UGT1A5: variants seen among roughly 807,000 people sequenced by gnomAD.
UGT1A5 encodes UDP-glucuronosyltransferase 1A5.
In UGT1A5, 29 loss-of-function variants were observed where a neutral mutation model predicts 40.3. The observed-to-expected ratio is 0.72, with a 90% confidence interval of 0.54 to 0.98. UGT1A5 has a LOEUF of 0.98. Ranked by LOEUF, UGT1A5 falls within the 50% of genes least tolerant of loss-of-function variation. UGT1A5 has a pLI of 0.00. For synonymous variants in UGT1A5, 257 were observed against 262.5 expected, an observed-to-expected ratio of 0.98 and a Z score of 0.20; for missense variants, 678 against 677.9, an observed-to-expected ratio of 1.00 and a Z score of 0.00.
At chr2:233,745,472 G>A (rs1454081365) in intron 1 of UGT1A5, among the ~76,000 whole-genome samples, 1 of 151,704 alleles carries the variant, frequency 6.6e-6, no homozygotes, top group Non-Finnish European at 1.5e-5. Context: ...AGGGGAAAAT[G>A]ATTAACCAAA....
intron 1 of UGT1A5, among the ~76,000 whole-genome samples, chr2:233,715,527 T>C (rs2076455988): frequency 6.6e-6 from 1 of 152,142 alleles, no homozygotes; most frequent in Admixed American, 6.5e-5. Flanking sequence ...ATTTCAGCCC[T>C]TTGGGAGACC....
chr2:233,731,351 A>G (rs2078148084), intron 1 of UGT1A5, among the ~76,000 whole-genome samples: 1 of 151,002 alleles, frequency 6.6e-6, no homozygotes, highest in African/African-American at 2.4e-5. Flanking sequence ...TTTGATACAT[A>G]GGTATACATG....
At chr2:233,733,970 C>T (rs1298818177) in intron 1 of UGT1A5, among the ~76,000 whole-genome samples, 52 of 151,482 alleles carry the variant, frequency 3.4e-4, no homozygotes, top group East Asian at 9.7e-4. Flanking sequence ...GTAGGGGGAG[C>T]GGGGAGGGAT....
intron 1 of UGT1A5, chr2:233,722,151 A>G (rs1415241636): frequency 2.5e-5 from 4 of 162,020 alleles, no homozygotes; most frequent in African/African-American, 9.6e-5. Flanking sequence ...CTGCAGGACA[A>G]GATGTGTCAC....
chr2:233,761,161 G>A lies in UGT1A5; in HGVS notation c.868-5873G>A, dbSNP rs1276914496. ...AAATCCACTATCCCAGGTGTGTATT[G>A]GAGTGGGACTTTTACATGCGTATAT... is the stretch of plus-strand genomic sequence containing the variant. On this transcript the variant is annotated intron_variant, in intron 1 of 4. Transcript: ENST00000373414. The A allele has an allele frequency of 6.2e-7, 1 of 1,614,176 alleles. No homozygotes were observed. The highest frequency in any genetic ancestry group is 1.7e-5 in the Admixed American group (1 of 60,028).
intron 1 of UGT1A5, chr2:233,719,006 C>G (rs899895461): frequency 1.3e-5 from 21 of 1,614,078 alleles, no homozygotes; most frequent in Non-Finnish European, 1.7e-5. Flanking sequence ...TGGTCCTCAC[C>G]CCAGAGGTGA....
intron 1 of UGT1A5, chr2:233,743,521 C>T (rs777952241): frequency 4.4e-6 from 6 of 1,367,160 alleles, no homozygotes; most frequent in Non-Finnish European, 5.9e-6. Flanking sequence ...TCTGCTTCTG[C>T]TTCCCCAGCA....
intron 1 of UGT1A5, among the ~76,000 whole-genome samples, chr2:233,748,554 C>T (rs1045487950): frequency 2.0e-5 from 3 of 151,692 alleles, no homozygotes; most frequent in Non-Finnish European, 2.9e-5. Context: ...CCTAAGCACT[C>T]GCAGGAAGTA....
At position 233,769,465 on chromosome 2, in the gene UGT1A5, G is replaced by C. The variant is rs34036745; in HGVS notation, c.1307+1026G>C. On this transcript the variant is annotated intron_variant, in intron 4 of 4. Coordinates refer to ENST00000373414, the MANE Select transcript of UGT1A5 (RefSeq NM_019078.2). This position sits in a 1 kb window ranked among gnomAD's most constrained non-coding sequence, Gnocchi z 4.4. The stretch of plus-strand genomic sequence containing the variant: ...GGTGCACACGTGTGCATTCATATGC[G>C]TGTGTGTGTGTGTGCGTGTGTTTAT... The C allele has an allele frequency of 4.2e-4, 555 of 1,316,536 alleles. 2 individuals are homozygous for C. The African/African-American group carries it at 7.4e-3, about 18-fold the overall frequency. 81.6% of individuals were successfully genotyped at this position (1,316,536 alleles called of 1,614,324 possible). A position where few individuals can be genotyped will look rare whatever the true frequency, so the allele number is the denominator to read the frequency against.
At chr2:233,747,276 T>C in intron 1 of UGT1A5, 1 of 1,598,748 alleles carries the variant, frequency 6.3e-7, no homozygotes, top group Non-Finnish European at 8.5e-7. Context: ...TCCTTCTCAG[T>C]GCCCAGCCCT....
chr2:233,760,387 C>T (rs756175438), intron 1 of UGT1A5: 3 of 1,614,166 alleles, frequency 1.9e-6, no homozygotes, highest in Non-Finnish European at 1.7e-6. Flanking sequence ...ACTGTTGATC[C>T]CAGTGGATGG....
At chr2:233,720,781 C>G (rs2076890046) in intron 1 of UGT1A5, among the ~76,000 whole-genome samples, 1 of 151,290 alleles carries the variant, frequency 6.6e-6, no homozygotes, top group South Asian at 2.1e-4. Flanking sequence ...TCTCCGCTCA[C>G]TGCAACCTTC....
intron 4 of UGT1A5, among the ~76,000 whole-genome samples, chr2:233,771,990 C>T (rs1700432517): frequency 6.6e-6 from 1 of 152,154 alleles, no homozygotes; most frequent in African/African-American, 2.4e-5. Flanking sequence ...TGGTGCATGA[C>T]TAATTCCAGC....
At chr2:233,761,211 C>A in intron 1 of UGT1A5, 2 of 1,613,736 alleles carry the variant, frequency 1.2e-6, no homozygotes, top group South Asian at 1.1e-5. Flanking sequence ...TACTTTGGAT[C>A]GATTAACTAG....
chr2:233,746,991 T>G (rs560743202), intron 1 of UGT1A5, among the ~76,000 whole-genome samples: 1 of 151,932 alleles, frequency 6.6e-6, no homozygotes, highest in Non-Finnish European at 1.5e-5. Context: ...CAGGGTCAGA[T>G]GAGTTTTTCA....
chr2:233,760,878 C>T (rs1697595439), intron 1 of UGT1A5: 1 of 1,614,062 alleles, frequency 6.2e-7, no homozygotes, highest in Admixed American at 1.7e-5. Context: ...CCAGGCCTCT[C>T]TCCTCTCATT....
At chr2:233,744,493 T>G (rs1190368915) in intron 1 of UGT1A5, among the ~76,000 whole-genome samples, 2 of 152,058 alleles carry the variant, frequency 1.3e-5, no homozygotes, top group Admixed American at 1.3e-4. Context: ...GGCAATTTAG[T>G]AAGAATAAAC....
At chr2:233,763,879 G>A (rs983056292) in intron 1 of UGT1A5, among the ~76,000 whole-genome samples, 2 of 152,162 alleles carry the variant, frequency 1.3e-5, no homozygotes, top group South Asian at 2.1e-4. Flanking sequence ...CTGGGTCTGA[G>A]AAAAATAACT....
At chr2:233,750,789 A>G (rs555312200) in intron 1 of UGT1A5, 1 of 151,930 alleles carries the variant, frequency 6.6e-6, no homozygotes, top group African/African-American at 2.4e-5. Context: ...TACACAGAAG[A>G]TAAGAATTTA....
Sources: allele counts gnomAD v4.1 joint callset (sites outside exome capture counted in the v4.1 genomes callset), GRCh38; gene constraint gnomAD v4.1.1; non-coding constraint Gnocchi (gnomAD v3.1); transcripts MANE v1.5; gene names NCBI Gene and HGNC (gene_info 2026-07-23, HGNC 2026-07-21).